Variants in ELP4 observed in about 807,000 individuals in gnomAD.
ELP4 encodes elongator complex protein 4.
Under a neutral mutation model 48.9 loss-of-function variants are expected in ELP4, and 51 were observed. That is an observed-to-expected ratio of 1.04 (90% CI 0.83 to 1.32). The LOEUF (loss-of-function observed/expected upper bound fraction) is 1.32. ELP4 is among the 40% of genes most tolerant of loss of function. ELP4 has a pLI of 0.00. For missense variants in ELP4, 519 were observed against 514.6 expected, an observed-to-expected ratio of 1.01 and a Z score of -0.08; for synonymous variants, 210 against 189.2, an observed-to-expected ratio of 1.11 and a Z score of -0.90.
At chr11:31,590,338 A>G (rs990503500) in intron 3 of ELP4, among the ~76,000 whole-genome samples, 2 of 152,180 alleles carry the variant, frequency 1.3e-5, no homozygotes, top group Non-Finnish European at 1.5e-5. Flanking sequence ...TTGGTACTCA[A>G]TAATAATTTC....
At chr11:31,738,998 C>T (rs1947386674) in intron 9 of ELP4, among the ~76,000 whole-genome samples, 1 of 152,100 alleles carries the variant, frequency 6.6e-6, no homozygotes, top group Admixed American at 6.6e-5. Context: ...GATCTGTGTA[C>T]AACATTGTAG....
chr11:31,568,271 A>G (rs1957144695), intron 3 of ELP4, among the ~76,000 whole-genome samples: 1 of 152,166 alleles, frequency 6.6e-6, no homozygotes, highest in South Asian at 2.1e-4. Context: ...ACTACAAAAC[A>G]CTGCTGAAAG....
chr11:31,640,297 A>G (rs1001024100), intron 7 of ELP4, among the ~76,000 whole-genome samples: 3 of 152,114 alleles, frequency 2.0e-5, no homozygotes, highest in African/African-American at 7.2e-5. Context: ...ATTGTAAGAT[A>G]TCTGAAAAAT....
chr11:31,747,583 AC>A (rs1947624718), intron 9 of ELP4, among the ~76,000 whole-genome samples: 1 of 152,354 alleles, frequency 6.6e-6, no homozygotes, highest in Non-Finnish European at 1.5e-5. Context: ...ACTTTGGGCA[AC>A]CTGTGGTCAC....
At chr11:31,552,206 C>G (rs978414898) in intron 3 of ELP4, among the ~76,000 whole-genome samples, 1 of 152,064 alleles carries the variant, frequency 6.6e-6, no homozygotes, top group African/African-American at 2.4e-5. Flanking sequence ...TTTGCTAGTT[C>G]TTACTTATTT....
chr11:31,733,473 T>C (rs1281910763), intron 9 of ELP4, among the ~76,000 whole-genome samples: 1 of 78,528 alleles, frequency 1.3e-5, no homozygotes, highest in African/African-American at 8.0e-5. Flanking sequence ...TGAGACTCCA[T>C]CTCAAAAAAA....
At chr11:31,588,720 C>T (rs958938083) in intron 3 of ELP4, among the ~76,000 whole-genome samples, 1 of 152,128 alleles carries the variant, frequency 6.6e-6, no homozygotes, top group Non-Finnish European at 1.5e-5. Context: ...CAGTGGCTCA[C>T]GCCTATAATC....
chr11:31,789,469 A>T lies in ELP4; in HGVS notation c.*5945A>T. 2.0e-6 allele frequency: 1 copy of T among 491,998 alleles called. No homozygotes were observed. The highest frequency in any genetic ancestry group is 3.6e-6 in the Non-Finnish European group (1 of 281,646). 30.5% of individuals were successfully genotyped at this position (491,998 alleles called of 1,614,324 possible). ...AATTATATGCAAAGGAATGATACAAACTTGGAACATCAGTCCATAAACTAT... is the reference window on the plus strand; with the variant it reads ...AATTATATGCAAAGGAATGATACAATCTTGGAACATCAGTCCATAAACTAT... On this transcript the variant is annotated 3_prime_UTR_variant, in exon 10 of 10. Transcript: ENST00000640961.
chr11:31,737,471 TAATAA>T (rs761825385), intron 9 of ELP4, among the ~76,000 whole-genome samples: 60 of 151,410 alleles, frequency 4.0e-4, no homozygotes, highest in African/African-American at 1.3e-3. Context: ...AGTATAATAA[TAATAA>T]AATAAAATAA....
At chr11:31,542,659 A>G (rs1956611443) in intron 3 of ELP4, among the ~76,000 whole-genome samples, 1 of 152,072 alleles carries the variant, frequency 6.6e-6, no homozygotes, top group African/African-American at 2.4e-5. Context: ...GAAGTAACCA[A>G]CTGTTTTCAA....
At chr11:31,761,138 G>T (rs1359598339) in intron 9 of ELP4, among the ~76,000 whole-genome samples, 1 of 152,024 alleles carries the variant, frequency 6.6e-6, no homozygotes, top group South Asian at 2.1e-4. Context: ...AAGGCAGGGG[G>T]ATCGCTTCGG....
At chr11:31,611,584 T>C (rs575439656) in intron 5 of ELP4, among the ~76,000 whole-genome samples, 2 of 152,332 alleles carry the variant, frequency 1.3e-5, no homozygotes, top group South Asian at 4.1e-4. Flanking sequence ...CTTAGGATAG[T>C]CCAATCTACT....
intron 3 of ELP4, among the ~76,000 whole-genome samples, chr11:31,559,198 G>T (rs1427893702): frequency 6.6e-6 from 1 of 152,186 alleles, no homozygotes; most frequent in Non-Finnish European, 1.5e-5. Flanking sequence ...AAAGAAGATA[G>T]AGCTCTCTCT....
At chr11:31,636,511 T>G (rs1381788433) in intron 7 of ELP4, among the ~76,000 whole-genome samples, 3 of 151,996 alleles carry the variant, frequency 2.0e-5, no homozygotes, top group Non-Finnish European at 4.4e-5. Context: ...TTACCCTTTA[T>G]TGTACTTTTG....
chr11:31,610,240 C>A (rs186000209), intron 5 of ELP4, among the ~76,000 whole-genome samples: 3 of 152,266 alleles, frequency 2.0e-5, no homozygotes, highest in African/African-American at 7.2e-5. Flanking sequence ...TTCTGCCTAT[C>A]TGTTTAGCTG....
At chr11:31,575,505 G>A (rs1233463762) in intron 3 of ELP4, among the ~76,000 whole-genome samples, 2 of 151,422 alleles carry the variant, frequency 1.3e-5, no homozygotes, top group African/African-American at 2.4e-5. Flanking sequence ...CACCAAAGTT[G>A]AAATGAAGGA....
At chr11:31,558,028 G>A (rs1164544684) in intron 3 of ELP4, among the ~76,000 whole-genome samples, 1 of 151,634 alleles carries the variant, frequency 6.6e-6, no homozygotes, top group Non-Finnish European at 1.5e-5. Flanking sequence ...TCCCTTTTTT[G>A]TCAATATTTT....
At chr11:31,660,001 A>T (rs565965263) in intron 9 of ELP4, among the ~76,000 whole-genome samples, 1 of 152,282 alleles carries the variant, frequency 6.6e-6, no homozygotes, top group South Asian at 2.1e-4. Context: ...CAAAAAACAA[A>T]TATCAATTTT....
chr11:31,732,070 T>C (rs1033650396), intron 9 of ELP4, among the ~76,000 whole-genome samples: 6 of 152,030 alleles, frequency 3.9e-5, no homozygotes, highest in Admixed American at 2.0e-4. Flanking sequence ...GTCCTTCAAG[T>C]TGAAATGAAA....
Sources: gnomAD v4.1 joint callset for allele counts (sites outside exome capture counted in the v4.1 genomes callset) on GRCh38, gnomAD v4.1.1 for gene constraint, MANE v1.5 for transcripts, NCBI Gene and HGNC (gene_info 2026-07-23, HGNC 2026-07-21) for gene names.